Variants in PAPSS1 observed in about 807,000 individuals in gnomAD.
PAPSS1 encodes the protein bifunctional 3'-phosphoadenosine 5'-phosphosulfate synthase 1.
In PAPSS1, 50 loss-of-function variants were observed where a neutral mutation model predicts 72.0. That is an observed-to-expected ratio of 0.69 (90% CI 0.55 to 0.88). PAPSS1 has a LOEUF of 0.88. Ranked by LOEUF, PAPSS1 falls within the 40% of genes least tolerant of loss-of-function variation. The pLI is 0.00. For synonymous variants in PAPSS1, 261 were observed against 263.6 expected (o/e 0.99, Z 0.09); for missense variants, 657 against 782.2 (o/e 0.84, Z 1.91).
At chr4:107,686,153 C>T (rs2110338990) in intron 4 of PAPSS1, among the ~76,000 whole-genome samples, 1 of 152,278 alleles carries the variant, frequency 6.6e-6, no homozygotes, top group Middle Eastern at 3.4e-3. Flanking sequence ...GTCTAAATGT[C>T]CATCACAGTT....
chr4:107,716,216 A>G (rs771391629), intron 1 of PAPSS1, among the ~76,000 whole-genome samples: 7 of 152,362 alleles, frequency 4.6e-5, no homozygotes, highest in Non-Finnish European at 1.0e-4. Flanking sequence ...AATGCAGAAG[A>G]GCACAAACAA....
intron 1 of PAPSS1, among the ~76,000 whole-genome samples, chr4:107,710,548 G>C (rs886664510): frequency 1.3e-5 from 2 of 152,084 alleles, no homozygotes; most frequent in African/African-American, 4.8e-5. Context: ...TGAGCAGATA[G>C]CTGAAAGAAC....
chr4:107,686,944 CTCTAACACT>C (rs35832252), intron 4 of PAPSS1, 86 bp downstream of exon 4: 1,156,954 of 1,279,854 alleles, frequency 0.9, 530,448 homozygotes, highest in South Asian at 0.94. Flanking sequence ...CTCCAAGTCA[CTCTAACACT>C]TCCAATCTCT....
intron 11 of PAPSS1, among the ~76,000 whole-genome samples, chr4:107,629,749 A>C (rs1454355518): frequency 6.6e-6 from 1 of 152,192 alleles, no homozygotes; most frequent in African/African-American, 2.4e-5. Flanking sequence ...GTTTTTTGGG[A>C]TGCTCAAGGC....
In PAPSS1 at chr4:107,640,194, A is replaced by G. The variant is rs75283505; in HGVS notation, c.1506+4608T>C. Among the ~76,000 whole-genome samples the G allele has an allele frequency of 8.0e-3, 1,214 of 152,320 alleles. 17 individuals carry two copies. Among genetic ancestry groups the G allele is most frequent in the African/African-American group, 0.028 (1,155 of 41,568 alleles). On this transcript the variant is annotated intron_variant, in intron 10 of 11. Coordinates refer to ENST00000265174, the MANE Select transcript of PAPSS1 (RefSeq NM_005443.5). ...ACAAATAGAATTTCCTACATAGTCAATTAATACCTCACAAAGACAAAATGT... is the reference window on the plus strand; with the variant it reads ...ACAAATAGAATTTCCTACATAGTCAGTTAATACCTCACAAAGACAAAATGT...
At chr4:107,658,569 A>G (rs1305319795) in intron 6 of PAPSS1, among the ~76,000 whole-genome samples, 1 of 152,222 alleles carries the variant, frequency 6.6e-6, no homozygotes, top group Non-Finnish European at 1.5e-5. Flanking sequence ...AGCATACAGC[A>G]GTGGCTCTCC....
intron 7 of PAPSS1, among the ~76,000 whole-genome samples, chr4:107,655,513 G>A (rs1429087803): frequency 1.3e-5 from 2 of 152,188 alleles, no homozygotes; most frequent in African/African-American, 4.8e-5. Context: ...TGTGTTGTCA[G>A]TGATACTAAA....
intron 9 of PAPSS1, among the ~76,000 whole-genome samples, chr4:107,653,060 A>AAT (rs920413492): frequency 2.0e-5 from 3 of 148,120 alleles, no homozygotes; most frequent in African/African-American, 5.1e-5. Flanking sequence ...TATATATATG[A>AAT]ATATATATAT....
In PAPSS1 at chr4:107,674,284, A is replaced by G. The variant is rs933130177; in HGVS notation, c.669+7731T>C. ...ACCCATCAGTGTGCTGTATTCAGGA[A>G]ACCCATCTCACGTGCAGAGACACAC... On this transcript the variant is annotated intron_variant, in intron 5 of 11. Coordinates refer to ENST00000265174, the MANE Select transcript of PAPSS1 (RefSeq NM_005443.5). 2.0e-5 allele frequency among the ~76,000 whole-genome samples: 3 copies of G among 152,292 alleles called. No homozygotes were observed. In the South Asian group the frequency reaches 6.2e-4, roughly 32 times the overall value.
chr4:107,706,360 C>G (rs1474956593), intron 1 of PAPSS1, among the ~76,000 whole-genome samples: 1 of 152,162 alleles, frequency 6.6e-6, no homozygotes, highest in South Asian at 2.1e-4. Flanking sequence ...TGGAAGAAAT[C>G]TGTCTTCAAG....
chr4:107,720,155 T>A lies in PAPSS1; in HGVS notation c.25A>T (p.Lys9Ter), dbSNP rs746034854. The A allele has an allele frequency of 1.0e-5, 16 of 1,605,924 alleles. No homozygotes were observed. Among genetic ancestry groups the A allele is most frequent in the Non-Finnish European group, 1.4e-5 (16 of 1,176,594 alleles). The change falls in exon 1 of 12, where the codon AAG becomes TAG. Residue 9 changes from lysine to a stop codon, truncating the protein, a stop_gained. Coordinates refer to ENST00000265174, the MANE Select transcript of PAPSS1 (RefSeq NM_005443.5). LOFTEE classifies it high-confidence loss of function. Reference sequence around the variant, plus strand: ...GCGTTATTGCTCAGTTTGACTTTCTTGCACAGGCTCCCGGGGATCTCCATG... The same window carrying A: ...GCGTTATTGCTCAGTTTGACTTTCTAGCACAGGCTCCCGGGGATCTCCATG... MEIPGSLC[K>*]KVKLSNNAQN...
chr4:107,663,029 T>G (rs1027305435), intron 5 of PAPSS1, among the ~76,000 whole-genome samples: 1 of 152,178 alleles, frequency 6.6e-6, no homozygotes, highest in Non-Finnish European at 1.5e-5. Context: ...AGCTACAAAG[T>G]AAAGAATTGA....
chr4:107,683,574 A>T (rs1010620174), intron 4 of PAPSS1, among the ~76,000 whole-genome samples: 6 of 152,208 alleles, frequency 3.9e-5, no homozygotes, highest in African/African-American at 1.4e-4. Context: ...GTGGCTTAAC[A>T]TTTTAGAAGC....
At chr4:107,712,875 A>G in intron 1 of PAPSS1, among the ~76,000 whole-genome samples, 1 of 58,458 alleles carries the variant, frequency 1.7e-5, no homozygotes, top group South Asian at 1.5e-3. Flanking sequence ...CCGTCTCGGG[A>G]AAGAAAAAAA....
In PAPSS1 at chr4:107,644,980, C is replaced by A. The variant is rs1329419381; in HGVS notation, c.1328G>T (p.Gly443Val). 1 of 1,613,474 alleles carries A rather than the reference C, an allele frequency of 6.2e-7. No individual in the cohort carries two copies. Among genetic ancestry groups the A allele is most frequent in the Non-Finnish European group, 8.5e-7 (1 of 1,179,606 alleles). ...GAGGAGGAGGACAGGGCGCCGGTAG[C>A]CCCTCTCTAGAAGTTGCTTATGGGT... ...QDTHKQLLER[G>V]YRRPVLLLHP... Residue 443 changes from glycine to valine, a missense_variant, in exon 10 of 12, where the codon GGC (glycine) becomes GTC (valine). By Grantham distance (109) the Gly-to-Val change is moderately radical (BLOSUM62 -3). This residue lies in a region of PAPSS1 where 166 missense variants were observed against 228.3 expected (regional missense o/e 0.73). Coordinates refer to ENST00000265174, the MANE Select transcript of PAPSS1 (RefSeq NM_005443.5).
intron 1 of PAPSS1, among the ~76,000 whole-genome samples, chr4:107,718,689 G>A (rs1040608580): frequency 2.6e-5 from 4 of 152,162 alleles, no homozygotes; most frequent in Non-Finnish European, 4.4e-5. Flanking sequence ...CATAGAATAC[G>A]CACCATGTGG....
intron 5 of PAPSS1, among the ~76,000 whole-genome samples, chr4:107,672,703 A>C (rs1384658632): frequency 6.6e-6 from 1 of 152,222 alleles, no homozygotes; most frequent in Non-Finnish European, 1.5e-5. Context: ...CCTGTCTGAC[A>C]GCTTTGAAGA....
chr4:107,700,470 T>C (rs1194488855), intron 2 of PAPSS1, among the ~76,000 whole-genome samples: 1 of 152,198 alleles, frequency 6.6e-6, no homozygotes, highest in Non-Finnish European at 1.5e-5. Context: ...TAATAGAAAT[T>C]CACTTTGTGA....
chr4:107,679,704 A>C (rs970046367), intron 5 of PAPSS1, among the ~76,000 whole-genome samples: 7 of 151,366 alleles, frequency 4.6e-5, no homozygotes, highest in Non-Finnish European at 1.0e-4. Context: ...TTTGAGACAG[A>C]ATCTCGCTCT....
Sources: gnomAD v4.1 joint callset for allele counts (sites outside exome capture counted in the v4.1 genomes callset) on GRCh38, gnomAD v4.1.1 for gene constraint, gnomAD v4.1.1 regional missense constraint, MANE v1.5 for transcripts, NCBI Gene and HGNC (gene_info 2026-07-23, HGNC 2026-07-21) for gene names.